The following RCAN2 variants were observed in gnomAD, a reference collection of about 807,000 sequenced individuals.
RCAN2 encodes calcipressin-2.
RCAN2 carries 9 observed loss-of-function variants against 23.6 expected under a neutral mutation model. The observed-to-expected ratio is 0.38, with a 90% CI of 0.23 to 0.67. The LOEUF is 0.67. RCAN2 is among the 30% of genes least tolerant of loss of function. The probability of loss-of-function intolerance (pLI) is 0.51; values close to 1 mark genes in which losing one functional copy is unlikely to be tolerated. For synonymous variants in RCAN2, 109 were observed against 115.7 expected (o/e 0.94, Z 0.37); for missense variants, 273 against 302.3 (o/e 0.90, Z 0.72).
chr6:46,229,390 G>A (rs998274133), intron 4 of RCAN2, among the ~76,000 whole-genome samples: 5 of 152,088 alleles, frequency 3.3e-5, no homozygotes, highest in African/African-American at 9.7e-5. Flanking sequence ...CATTCTCCCC[G>A]TCACTTTCAG....
intron 2 of RCAN2, among the ~76,000 whole-genome samples, chr6:46,421,557 C>T (rs933671572): frequency 6.6e-6 from 1 of 152,176 alleles, no homozygotes; most frequent in African/African-American, 2.4e-5. Flanking sequence ...TGGGAGATGT[C>T]GCAACTCACA....
chr6:46,263,471 GTGTA>G (rs1399229737), intron 2 of RCAN2, among the ~76,000 whole-genome samples: 1 of 140,094 alleles, frequency 7.1e-6, no homozygotes, highest in Non-Finnish European at 1.5e-5. Flanking sequence ...GTGTGTGTGT[GTGTA>G]TGTGTGTGTG....
chr6:46,268,638 A>T (rs1767422089), intron 2 of RCAN2, among the ~76,000 whole-genome samples: 1 of 152,224 alleles, frequency 6.6e-6, no homozygotes, highest in African/African-American at 2.4e-5. Context: ...ATCACACTAG[A>T]CTGATAGTTT....
chr6:46,388,901 C>T (rs558212728), intron 2 of RCAN2, among the ~76,000 whole-genome samples: 2 of 152,140 alleles, frequency 1.3e-5, no homozygotes, highest in South Asian at 2.1e-4. Flanking sequence ...CACCATGGCA[C>T]GCGTATACCT....
At chr6:46,371,398 T>C (rs910940260) in intron 2 of RCAN2, among the ~76,000 whole-genome samples, 14 of 152,222 alleles carry the variant, frequency 9.2e-5, no homozygotes, top group Non-Finnish European at 1.8e-4. Context: ...TGCCTATGCC[T>C]CTGGGTCAGG....
rs537059302 is a variant in RCAN2 at position 46,491,195 on chromosome 6, C to CGGCGGAGGCGGAGGCGGA, written c.-43_-26dup. 1.3e-5 allele frequency: 2 copies of CGGCGGAGGCGGAGGCGGA among 151,964 alleles called. No individual in the cohort carries two copies. Among genetic ancestry groups the CGGCGGAGGCGGAGGCGGA allele is most frequent in the African/African-American group, 4.8e-5 (2 of 41,314 alleles). 9.4% of individuals were successfully genotyped at this position (151,964 alleles called of 1,614,324 possible). ...GACCTGCTGGGCGTCCGCGATGCGC[C>CGGCGGAGGCGGAGGCGGA]GGCGGAGGCGGAGGCGGAGGCGGCG... On this transcript the variant is annotated 5_prime_UTR_variant, in exon 1 of 5. Coordinates refer to ENST00000371374, the MANE Select transcript of RCAN2 (RefSeq NM_001251974.2).
At chr6:46,282,254 G>A (rs1345535326) in intron 2 of RCAN2, among the ~76,000 whole-genome samples, 1 of 151,970 alleles carries the variant, frequency 6.6e-6, no homozygotes, top group African/African-American at 2.4e-5. Context: ...CTCAAAAATA[G>A]GTCACACTGG....
intron 2 of RCAN2, among the ~76,000 whole-genome samples, chr6:46,397,812 A>T (rs1766139812): frequency 6.6e-6 from 1 of 152,144 alleles, no homozygotes; most frequent in Admixed American, 6.5e-5. Flanking sequence ...TCACCACCAC[A>T]TGTTTATTCA....
intron 2 of RCAN2, among the ~76,000 whole-genome samples, chr6:46,284,319 C>T (rs1229143164): frequency 6.6e-6 from 1 of 152,030 alleles, no homozygotes; most frequent in Admixed American, 6.6e-5. Flanking sequence ...TCTGTGACTC[C>T]AGGGATGTGG....
At chr6:46,395,254 A>T (rs948539020) in intron 2 of RCAN2, among the ~76,000 whole-genome samples, 5 of 152,154 alleles carry the variant, frequency 3.3e-5, no homozygotes, top group African/African-American at 1.2e-4. Flanking sequence ...ATGAGACATG[A>T]TAGGGTAAGA....
chr6:46,402,391 G>T (rs369226456), intron 2 of RCAN2, among the ~76,000 whole-genome samples: 1 of 152,140 alleles, frequency 6.6e-6, no homozygotes, highest in African/African-American at 2.4e-5. Flanking sequence ...CCTTCCAGTT[G>T]CTCAGTCCCA....
intron 2 of RCAN2, among the ~76,000 whole-genome samples, chr6:46,382,738 G>A (rs1765643710): frequency 6.6e-6 from 1 of 152,182 alleles, no homozygotes; most frequent in Non-Finnish European, 1.5e-5. Context: ...TAGAATATTA[G>A]ATCAAGAAAT....
At chr6:46,323,110 T>A (rs1763670354) in intron 2 of RCAN2, among the ~76,000 whole-genome samples, 1 of 152,100 alleles carries the variant, frequency 6.6e-6, no homozygotes, top group South Asian at 2.1e-4. Flanking sequence ...GGAAAACATT[T>A]TCTGTGTGCT....
chr6:46,442,934 T>C (rs1767595453), intron 2 of RCAN2, among the ~76,000 whole-genome samples: 1 of 152,132 alleles, frequency 6.6e-6, no homozygotes, highest in Non-Finnish European at 1.5e-5. Context: ...ACAGCAGCGT[T>C]CAAATCTGCC....
chr6:46,419,033 AAAG>A (rs1766791456), intron 2 of RCAN2, among the ~76,000 whole-genome samples: 1 of 152,060 alleles, frequency 6.6e-6, no homozygotes, highest in African/African-American at 2.4e-5. Flanking sequence ...CCAAAAGAAA[AAAG>A]AAAATAACAT....
intron 2 of RCAN2, among the ~76,000 whole-genome samples, chr6:46,308,412 A>G: frequency 6.6e-6 from 1 of 152,178 alleles, no homozygotes; most frequent in East Asian, 1.9e-4. Flanking sequence ...TGGTTTTGCA[A>G]CACAACATGT....
rs148336146 is a variant in RCAN2 at position 46,281,109 on chromosome 6, G to A, written c.226-32213C>T. The stretch of plus-strand genomic sequence containing the variant: ...AGAAAGGGTCAGGCAGCTGAGGTTT[G>A]GGGTAGAGTGAGGGAGGGGGAGAAG... On this transcript the variant is annotated intron_variant, in intron 2 of 4. Transcript: ENST00000371374. 5.2e-3 allele frequency among the ~76,000 whole-genome samples: 798 copies of A among 152,246 alleles called. 5 individuals are homozygous for A. Among genetic ancestry groups the A allele is most frequent in the African/African-American group, 0.018 (735 of 41,550 alleles).
chr6:46,235,448 G>T (rs115460753), intron 4 of RCAN2, among the ~76,000 whole-genome samples: 3 of 152,222 alleles, frequency 2.0e-5, no homozygotes, highest in African/African-American at 7.2e-5. Context: ...TGCTCATCAT[G>T]AGCCCCAGTT....
intron 2 of RCAN2, among the ~76,000 whole-genome samples, chr6:46,378,562 C>A (rs1006278991): frequency 1.3e-5 from 2 of 152,146 alleles, no homozygotes; most frequent in African/African-American, 4.8e-5. Context: ...GATGGTCCAA[C>A]AAATCCTGTA....
Sources: allele counts gnomAD v4.1 joint callset (sites outside exome capture counted in the v4.1 genomes callset), GRCh38; gene constraint gnomAD v4.1.1; transcripts MANE v1.5; gene names NCBI Gene and HGNC (gene_info 2026-07-23, HGNC 2026-07-21).